Variants in SETD2 observed in about 807,000 individuals in gnomAD.
SETD2 encodes SET domain containing 2, histone lysine methyltransferase, also known as histone-lysine N-methyltransferase SETD2.
Under a neutral mutation model 242.1 loss-of-function variants are expected in SETD2, and 31 were observed. The observed-to-expected ratio is 0.13, with a 90% CI of 0.10 to 0.17. The LOEUF is 0.17. Among genes scored for constraint, SETD2 ranks in the 10% least tolerant of loss-of-function variants. The probability of loss-of-function intolerance (pLI) is 1.00; values close to 1 mark genes in which losing one functional copy is unlikely to be tolerated. For missense variants in SETD2, 2,481 were observed against 3,046.3 expected, an observed-to-expected ratio of 0.81 and a Z score of 4.37; for synonymous variants, 1,006 against 1,066.5, an observed-to-expected ratio of 0.94 and a Z score of 1.11.
intron 18 of SETD2, among the ~76,000 whole-genome samples, chr3:47,027,580 A>G (rs2038553994): frequency 6.6e-6 from 1 of 152,108 alleles, no homozygotes. Context: ...AATTTAAAAA[A>G]AAATGGATTA....
intron 14 of SETD2, among the ~76,000 whole-genome samples, chr3:47,058,856 G>A (rs1004339204): frequency 6.6e-6 from 1 of 151,604 alleles, no homozygotes; most frequent in South Asian, 2.1e-4. Flanking sequence ...GTGCAGTGGC[G>A]CGATCTCTGT....
At chr3:47,041,037 A>T (rs2039255073) in intron 17 of SETD2, among the ~76,000 whole-genome samples, 1 of 152,190 alleles carries the variant, frequency 6.6e-6, no homozygotes, top group Non-Finnish European at 1.5e-5. Context: ...AGTGTCCCTA[A>T]GGATGCCCAA....
rs2107682974 is a variant in SETD2 at position 47,101,510 on chromosome 3, G to A, written c.4963C>T (p.Leu1655=). The part of the protein sequence containing the change: ...QLRVGFFTTK[L]VPSGSELTFD... The stretch of plus-strand genomic sequence containing the variant: ...GTTAACTCTGAGCCTGAAGGAACCA[G>A]TTTGGTGGTAAAAAACCCAACCCTC... The change falls in exon 8 of 21, where the codon CTG becomes TTG. Residue 1655 remains leucine (L), a synonymous_variant. Coordinates refer to ENST00000409792, the MANE Select transcript of SETD2 (RefSeq NM_014159.7). 1 of 1,613,758 alleles carries A rather than the reference G, an allele frequency of 6.2e-7. No individual in the cohort carries two copies. The highest frequency in any genetic ancestry group is 8.5e-7 in the Non-Finnish European group (1 of 1,179,780).
chr3:47,074,880 A>G (rs1283813348), intron 12 of SETD2, among the ~76,000 whole-genome samples: 1 of 152,238 alleles, frequency 6.6e-6, no homozygotes, highest in African/African-American at 2.4e-5. Flanking sequence ...TCACGCCTGT[A>G]ATCCCAACAC....
chr3:47,033,358 G>C (rs1168656215), intron 18 of SETD2, among the ~76,000 whole-genome samples: 1 of 152,134 alleles, frequency 6.6e-6, no homozygotes, highest in Non-Finnish European at 1.5e-5. Context: ...TATGCTCCCA[G>C]GATGAAAAAG....
intron 15 of SETD2, among the ~76,000 whole-genome samples, chr3:47,052,615 G>A (rs1203195222): frequency 6.6e-6 from 1 of 152,018 alleles, no homozygotes; most frequent in African/African-American, 2.4e-5. Flanking sequence ...TCAGGAGTTC[G>A]AGACCAGCCT....
At chr3:47,128,615 T>C (rs769267272) in intron 1 of SETD2, among the ~76,000 whole-genome samples, 7 of 152,168 alleles carry the variant, frequency 4.6e-5, no homozygotes, top group Non-Finnish European at 7.4e-5. Flanking sequence ...AAGCTGATAA[T>C]ACATGAATGA....
At chr3:47,027,538 G>C (rs961540513) in intron 18 of SETD2, among the ~76,000 whole-genome samples, 1 of 151,674 alleles carries the variant, frequency 6.6e-6, no homozygotes, top group Non-Finnish European at 1.5e-5. Context: ...TTGTGCACAT[G>C]TACCCTAAAA....
intron 3 of SETD2, among the ~76,000 whole-genome samples, chr3:47,117,470 A>G (rs1046943904): frequency 2.0e-5 from 3 of 152,294 alleles, no homozygotes; most frequent in African/African-American, 7.2e-5. Context: ...AAACTCATGC[A>G]TTTCAAATAG....
At chr3:47,115,446 C>T (rs1226240875) in intron 4 of SETD2, among the ~76,000 whole-genome samples, 1 of 152,032 alleles carries the variant, frequency 6.6e-6, no homozygotes, top group African/African-American at 2.4e-5. Context: ...GTACTGTCAT[C>T]TCTCTCTCTA....
intron 1 of SETD2, chr3:47,157,672 G>C (rs917335939): frequency 4.4e-5 from 17 of 390,082 alleles, no homozygotes; most frequent in African/African-American, 3.2e-4. Context: ...TCAGGAGTTC[G>C]AGACCAGCCT....
At chr3:47,056,025 A>C (rs2040050311) in intron 15 of SETD2, among the ~76,000 whole-genome samples, 2 of 145,302 alleles carry the variant, frequency 1.4e-5, no homozygotes, top group East Asian at 3.9e-4. Context: ...AAAAAAAAAA[A>C]AAAAAAAAAA....
chr3:47,084,194 G>T lies in SETD2; in HGVS notation c.5586C>A (p.Thr1862=). 6.2e-7 allele frequency: 1 copy of T among 1,614,046 alleles called. No homozygotes were observed. Among genetic ancestry groups the T allele is most frequent in the Non-Finnish European group, 8.5e-7 (1 of 1,179,990 alleles). Residue 1862 remains threonine (T), a synonymous_variant, in exon 12 of 21, where the codon ACC becomes ACA. Transcript: ENST00000409792. ...CTGTGTCAGCTTCTGTGCTCAGCTTGGTGGAAGGATCAGGTGTGTTGAGTG... is the reference window on the plus strand; with the variant it reads ...CTGTGTCAGCTTCTGTGCTCAGCTTTGTGGAAGGATCAGGTGTGTTGAGTG... ...HTPLNTPDPS[T]KLSTEADTDT... is the part of the protein sequence containing the mutation.
intron 15 of SETD2, among the ~76,000 whole-genome samples, chr3:47,055,171 T>C (rs1040774381): frequency 2.0e-5 from 3 of 152,260 alleles, no homozygotes; most frequent in African/African-American, 7.2e-5. Context: ...GTTAGGGTTT[T>C]AGTAATTAAA....
chr3:47,058,440 C>CAAAAAAAAAAAAAAAAAA (rs1174283471), intron 14 of SETD2, among the ~76,000 whole-genome samples: 4 of 21,974 alleles, frequency 1.8e-4, no homozygotes, highest in African/African-American at 9.9e-4. Flanking sequence ...GACACCGTCT[C>CAAAAAAAAAAAAAAAAAA]AAAAAAAAAA....
At chr3:47,106,576 T>TAG (rs1283719847) in intron 5 of SETD2, among the ~76,000 whole-genome samples, 1 of 119,234 alleles carries the variant, frequency 8.4e-6, no homozygotes, top group Non-Finnish European at 1.7e-5. Context: ...CTTTGGGAGG[T>TAG]AGAGGCGGGT....
intron 5 of SETD2, among the ~76,000 whole-genome samples, chr3:47,111,611 G>A (rs1197379133): frequency 6.6e-6 from 1 of 152,002 alleles, no homozygotes; most frequent in Admixed American, 6.6e-5. Flanking sequence ...GAGCCAGGGT[G>A]TGTTTTTACA....
At position 47,120,466 on chromosome 3, in the gene SETD2, T is replaced by G. The variant is rs1214033238; in HGVS notation, c.4170A>C (p.Ser1390=). The G allele has an allele frequency of 1.2e-6, 2 of 1,613,338 alleles. No individual in the cohort carries two copies. Among genetic ancestry groups the G allele is most frequent in the African/African-American group, 2.7e-5 (2 of 74,888 alleles). ...TGATATCATTTTTTTCTAAGTTTTTTGAAAAATCTTTCTTTTCATTCACAG... is the reference window on the plus strand; with the variant it reads ...TGATATCATTTTTTTCTAAGTTTTTGGAAAAATCTTTCTTTTCATTCACAG... The part of the protein sequence containing the change: ...TLAVNEKKDF[S]KNLEKNDIKD... The change falls in exon 3 of 21, where the codon TCA becomes TCC. Residue 1390 remains serine (S), a synonymous_variant. Coordinates refer to ENST00000409792, the MANE Select transcript of SETD2 (RefSeq NM_014159.7).
rs2107746334 is a variant in SETD2, at chr3:47,120,815, G to C, written c.3821C>G (p.Pro1274Arg). 1.9e-6 allele frequency: 3 copies of C among 1,614,222 alleles called. No individual in the cohort carries two copies. The change falls in exon 3 of 21, where the codon CCT (proline) becomes CGT (arginine). Residue 1274 changes from proline (P) to arginine (R), a missense_variant. This residue lies in a region of SETD2 where 1,300 missense variants were observed against 1,259.2 expected (regional missense o/e 1.03). Transcript: ENST00000409792. ...QEKPSTTYQQ[P>R]DSSYGACGGH... is the part of the protein sequence containing the mutation. ...ACCACAAGCTCCATAGCTACTGTCA[G>C]GTTGCTGATACGTGGTAGAAGGCTT... is the stretch of plus-strand genomic sequence containing the variant.
Sources: allele counts gnomAD v4.1 joint callset (sites outside exome capture counted in the v4.1 genomes callset), GRCh38; gene constraint gnomAD v4.1.1; regional missense constraint gnomAD v4.1.1; transcripts MANE v1.5; gene names NCBI Gene and HGNC (gene_info 2026-07-23, HGNC 2026-07-21).